ZNF804A: variants seen among roughly 807,000 people sequenced by gnomAD.
ZNF804A encodes zinc finger protein 804A.
In ZNF804A, 2 loss-of-function variants were observed where a neutral mutation model predicts 16.5. The observed-to-expected ratio is 0.12, with a 90% CI of 0.05 to 0.38. The LOEUF is 0.38. Among genes scored for constraint, ZNF804A ranks in the 10% least tolerant of loss-of-function variants. The pLI is 0.99. For synonymous variants in ZNF804A, 534 were observed against 489.6 expected (o/e 1.09, Z -1.20); for missense variants, 1,473 against 1,390.7 (o/e 1.06, Z -0.94).
chr2:184,931,335 C>G (rs1248405429), intron 2 of ZNF804A, among the ~76,000 whole-genome samples: 1 of 152,228 alleles, frequency 6.6e-6, no homozygotes, highest in African/African-American at 2.4e-5. Flanking sequence ...GGCTCTGCCC[C>G]ACAGCACACC....
At chr2:184,907,339 G>GT (rs1685292186) in intron 2 of ZNF804A, among the ~76,000 whole-genome samples, 2 of 152,184 alleles carry the variant, frequency 1.3e-5, no homozygotes, top group South Asian at 4.1e-4. Flanking sequence ...GAAATTACCT[G>GT]TGATGGCTCT....
In ZNF804A at chr2:184,795,836, T is replaced by A. The variant is rs537736876; in HGVS notation, c.112-70533T>A. On this transcript the variant is annotated intron_variant, in intron 1 of 3. Transcript: ENST00000302277. The stretch of plus-strand genomic sequence containing the variant: ...AGAAAACCTAGAAGAGATGGATAAA[T>A]TTCTGGAAAGATACAGCCCTCCTAG... 3.3e-5 allele frequency among the ~76,000 whole-genome samples: 5 copies of A among 152,270 alleles called. No individual in the cohort carries two copies. The South Asian group carries it at 1.0e-3, about 32-fold the overall frequency.
intron 1 of ZNF804A, among the ~76,000 whole-genome samples, chr2:184,811,012 T>C (rs1415001716): frequency 1.3e-5 from 2 of 152,140 alleles, no homozygotes; most frequent in African/African-American, 4.8e-5. Flanking sequence ...TACAGACTCT[T>C]TCAAAGTGAG....
chr2:184,793,666 A>T (rs1001652227), intron 1 of ZNF804A, among the ~76,000 whole-genome samples: 3 of 152,114 alleles, frequency 2.0e-5, no homozygotes, highest in Non-Finnish European at 4.4e-5. Flanking sequence ...TGGTGCACTC[A>T]TAACCGGAGC....
In ZNF804A at chr2:184,936,086, T is replaced by G. The variant is rs776568369; in HGVS notation, c.690T>G (p.Ala230=). The G allele has an allele frequency of 1.2e-6, 2 of 1,614,060 alleles. No individual in the cohort carries two copies. The highest frequency in any genetic ancestry group is 1.7e-6 in the Non-Finnish European group (2 of 1,179,966). The change falls in exon 4 of 4, where the codon GCT becomes GCG. Residue 230 remains alanine, a synonymous_variant. Transcript: ENST00000302277. ...CGTCCGTGAAGCTAGAGTCCTCAGC[T>G]GCAGCCTTCTCTGAATACAGTGATG... ...KKASVKLESS[A]AAFSEYSDDA... is the part of the protein sequence containing the mutation.
In ZNF804A at chr2:184,705,202, A is replaced by G. The variant is rs1574171576; in HGVS notation, c.111+106132A>G. Among the ~76,000 whole-genome samples, 6 of 152,148 alleles carry G rather than the reference A, an allele frequency of 3.9e-5. No individual in the cohort carries two copies. The South Asian group carries it at 1.2e-3, about 31-fold the overall frequency. ...AAACTGGTTTCATAGCATAATTGAG[A>G]AAAGGATATTGAAGACAGTAAGCCC... On this transcript the variant is annotated intron_variant, in intron 1 of 3. Coordinates refer to ENST00000302277, the MANE Select transcript of ZNF804A (RefSeq NM_194250.2).
chr2:184,807,463 C>A (rs965661252), intron 1 of ZNF804A, among the ~76,000 whole-genome samples: 1 of 151,642 alleles, frequency 6.6e-6, no homozygotes, highest in Admixed American at 6.6e-5. Context: ...TATAAAAATA[C>A]AATGAAAAAT....
At chr2:184,763,327 C>T (rs1694068174) in intron 1 of ZNF804A, among the ~76,000 whole-genome samples, 1 of 152,002 alleles carries the variant, frequency 6.6e-6, no homozygotes, top group Non-Finnish European at 1.5e-5. Flanking sequence ...CAGAGACAAA[C>T]ATAAATAGAA....
chr2:184,678,005 A>G (rs1405244897), intron 1 of ZNF804A, among the ~76,000 whole-genome samples: 3 of 152,026 alleles, frequency 2.0e-5, no homozygotes, highest in East Asian at 3.9e-4. Flanking sequence ...ACCTTTTAAC[A>G]TCTTAGAAGG....
At chr2:184,612,532 A>G (rs911179298) in intron 1 of ZNF804A, among the ~76,000 whole-genome samples, 9 of 150,888 alleles carry the variant, frequency 6.0e-5, no homozygotes, top group African/African-American at 1.7e-4. Context: ...TCCGCCTCCC[A>G]GGTTCCAGCA....
At chr2:184,684,084 C>T (rs775354185) in intron 1 of ZNF804A, among the ~76,000 whole-genome samples, 5 of 152,116 alleles carry the variant, frequency 3.3e-5, no homozygotes. Flanking sequence ...AGGCAGATGG[C>T]TGTAGAGTGA....
intron 1 of ZNF804A, among the ~76,000 whole-genome samples, chr2:184,713,466 A>C (rs1188715195): frequency 6.6e-6 from 1 of 151,972 alleles, no homozygotes; most frequent in African/African-American, 2.4e-5. Context: ...ATCTAAAAAA[A>C]AAGTATGTCT....
intron 1 of ZNF804A, among the ~76,000 whole-genome samples, chr2:184,660,447 A>G (rs535146578): frequency 8.5e-5 from 13 of 152,342 alleles, no homozygotes; most frequent in Non-Finnish European, 1.5e-4. Flanking sequence ...AAATTATTTC[A>G]GAAACAGATA....
intron 1 of ZNF804A, among the ~76,000 whole-genome samples, chr2:184,648,341 C>T (rs1428000828): frequency 5.9e-5 from 9 of 152,016 alleles, no homozygotes; most frequent in Non-Finnish European, 7.4e-5. Context: ...TCATATAAAA[C>T]AATCACGCAA....
chr2:184,641,962 A>G (rs1384627879), intron 1 of ZNF804A, among the ~76,000 whole-genome samples: 1 of 152,172 alleles, frequency 6.6e-6, no homozygotes, highest in Non-Finnish European at 1.5e-5. Context: ...CACTCATCTG[A>G]TAGATTTTAG....
chr2:184,830,113 CA>C (rs1399680692), intron 1 of ZNF804A, among the ~76,000 whole-genome samples: 18 of 50,716 alleles, frequency 3.5e-4, no homozygotes, highest in African/African-American at 5.3e-4. Context: ...CACCCACCCA[CA>C]CACACACACA....
chr2:184,730,425 G>T (rs1044891241), intron 1 of ZNF804A, among the ~76,000 whole-genome samples: 1 of 152,088 alleles, frequency 6.6e-6, no homozygotes, highest in Non-Finnish European at 1.5e-5. Context: ...TTCACTTGTT[G>T]TTATACATTC....
At chr2:184,873,206 T>C (rs966029457) in intron 2 of ZNF804A, among the ~76,000 whole-genome samples, 2 of 152,130 alleles carry the variant, frequency 1.3e-5, no homozygotes, top group African/African-American at 2.4e-5. Context: ...GTAAAATTTA[T>C]AGAAGTATTA....
intron 1 of ZNF804A, among the ~76,000 whole-genome samples, chr2:184,613,077 T>C (rs952192241): frequency 6.6e-6 from 1 of 152,254 alleles, no homozygotes; most frequent in African/African-American, 2.4e-5. Context: ...GCATCCAACA[T>C]GCCAACTATT....
Sources: gnomAD v4.1 joint callset for allele counts (sites outside exome capture counted in the v4.1 genomes callset) on GRCh38, gnomAD v4.1.1 for gene constraint, MANE v1.5 for transcripts, NCBI Gene and HGNC (gene_info 2026-07-23, HGNC 2026-07-21) for gene names.